The following ORC5 variants were observed in gnomAD, a reference collection of about 807,000 sequenced individuals.
The protein encoded by ORC5 is origin recognition complex subunit 5, also known as protein phosphatase 1, regulatory subunit 117.
ORC5 carries 39 observed loss-of-function variants against 58.8 expected under a neutral mutation model. That is an observed-to-expected ratio of 0.66 (90% CI 0.51 to 0.87). The LOEUF (loss-of-function observed/expected upper bound fraction) is 0.87. Ranked by LOEUF, ORC5 falls within the 40% of genes least tolerant of loss-of-function variation. The pLI, the probability that ORC5 is intolerant of heterozygous loss-of-function variation, is 0.00. For missense variants in ORC5, 493 were observed against 506.3 expected (o/e 0.97, Z 0.25); for synonymous variants, 218 against 177.6 (o/e 1.23, Z -1.81).
At chr7:104,157,168 A>C (rs1798940541) in intron 12 of ORC5, among the ~76,000 whole-genome samples, 1 of 151,966 alleles carries the variant, frequency 6.6e-6, no homozygotes, top group African/African-American at 2.4e-5. Flanking sequence ...AATATAAGGC[A>C]TGTGGGAGAA....
At chr7:104,162,990 T>C (rs1174001028) in intron 11 of ORC5, among the ~76,000 whole-genome samples, 1 of 152,264 alleles carries the variant, frequency 6.6e-6, no homozygotes, top group East Asian at 1.9e-4. Context: ...TTTTGAGATT[T>C]ATCCATATAG....
At chr7:104,168,671 T>TTTTTTTTTTTTTTTTTTTTTTGAG in intron 8 of ORC5, 146 bp from the exon 9 acceptor site, 1 of 475,964 alleles carries the variant, frequency 2.1e-6, no homozygotes, top group Non-Finnish European at 3.7e-6. Flanking sequence ...AACATGTTTG[T>TTTTTTTTTTTTTTTTTTTTTTGAG]ACCTGTACAA....
intron 2 of ORC5, among the ~76,000 whole-genome samples, chr7:104,203,510 T>C (rs1333731095): frequency 6.6e-6 from 1 of 152,244 alleles, no homozygotes; most frequent in East Asian, 1.9e-4. Flanking sequence ...GAGTGCTTAC[T>C]ACGCACTATG....
At chr7:104,143,655 A>G (rs559493071) in intron 12 of ORC5, among the ~76,000 whole-genome samples, 19 of 152,312 alleles carry the variant, frequency 1.2e-4, no homozygotes, top group African/African-American at 4.6e-4. Context: ...TAAACCTAAA[A>G]AAAGCAATTA....
At chr7:104,186,395 G>GTA (rs1317794829) in intron 6 of ORC5, among the ~76,000 whole-genome samples, 4 of 152,048 alleles carry the variant, frequency 2.6e-5, no homozygotes, top group Non-Finnish European at 4.4e-5. Flanking sequence ...AATCCCCCAA[G>GTA]TATACCAAGG....
chr7:104,153,512 T>C (rs1798878328), intron 12 of ORC5, among the ~76,000 whole-genome samples: 1 of 152,172 alleles, frequency 6.6e-6, no homozygotes, highest in African/African-American at 2.4e-5. Flanking sequence ...GAAAAAAACA[T>C]AGTAAGATTA....
intron 13 of ORC5, among the ~76,000 whole-genome samples, chr7:104,132,225 T>C (rs1798524621): frequency 6.6e-6 from 1 of 152,290 alleles, no homozygotes; most frequent in South Asian, 2.1e-4. Context: ...TGACCATTAC[T>C]CCTGTCCCTT....
chr7:104,168,764 A>T, intron 8 of ORC5, among the ~76,000 whole-genome samples: 1 of 152,104 alleles, frequency 6.6e-6, no homozygotes, highest in Non-Finnish European at 1.5e-5. Flanking sequence ...CTCTTTTACT[A>T]TGATGACTGT....
intron 13 of ORC5, among the ~76,000 whole-genome samples, chr7:104,134,316 G>A (rs1798556170): frequency 6.8e-6 from 1 of 148,122 alleles, no homozygotes; most frequent in Admixed American, 6.9e-5. Context: ...ACAGGAGGCT[G>A]AAGCAGGAGA....
chr7:104,202,395 G>A, intron 2 of ORC5: 1 of 282,748 alleles, frequency 3.5e-6, no homozygotes, highest in Non-Finnish European at 7.3e-6. Flanking sequence ...AGTTTCACCA[G>A]CATTTGCTAA....
rs1267786466 is a variant in ORC5 at position 104,197,667 on chromosome 7, T to C, written c.441+58A>G. On this transcript the variant is annotated intron_variant, in intron 4 of 13. Coordinates refer to ENST00000297431, the MANE Select transcript of ORC5 (RefSeq NM_002553.4). Reference sequence around the variant, plus strand: ...TATCAAATAGCAAAATGAAAAACTTTTACAACACAATCCATTGATTAAGTT... The same window carrying C: ...TATCAAATAGCAAAATGAAAAACTTCTACAACACAATCCATTGATTAAGTT... The C allele has an allele frequency of 2.6e-5, 30 of 1,167,032 alleles. No individual in the cohort carries two copies. The East Asian group carries it at 7.2e-4, about 28-fold the overall frequency. The allele number at this position is 1,167,032 out of a possible 1,614,324, so 72.3% of individuals were successfully genotyped here. A position where few individuals can be genotyped will look rare whatever the true frequency, so the allele number is the denominator to read the frequency against.
intron 4 of ORC5, 77 bp from the exon 5 acceptor site, chr7:104,195,331 T>G (rs894886145): frequency 8.4e-6 from 6 of 718,416 alleles, no homozygotes; most frequent in Non-Finnish European, 1.4e-5. Flanking sequence ...TGGATTTTTC[T>G]TTCAAATACA....
chr7:104,162,121 G>T (rs538574383), intron 11 of ORC5, among the ~76,000 whole-genome samples: 1 of 152,094 alleles, frequency 6.6e-6, no homozygotes, highest in South Asian at 2.1e-4. Flanking sequence ...CATCAGAAAC[G>T]AGACAATGCT....
chr7:104,127,402 T>C (rs538682979), intron 13 of ORC5, among the ~76,000 whole-genome samples: 8 of 152,308 alleles, frequency 5.3e-5, no homozygotes, highest in African/African-American at 1.9e-4. Context: ...ACTAAATCTG[T>C]ATGATCCAAG....
At chr7:104,181,508 G>A (rs529903331) in intron 8 of ORC5, among the ~76,000 whole-genome samples, 23 of 152,078 alleles carry the variant, frequency 1.5e-4, no homozygotes, top group South Asian at 4.2e-4. Context: ...CACAGAGGCC[G>A]GGTGTGGTGG....
intron 3 of ORC5, among the ~76,000 whole-genome samples, chr7:104,198,888 G>A (rs1799863829): frequency 6.6e-6 from 1 of 152,228 alleles, no homozygotes; most frequent in Non-Finnish European, 1.5e-5. Context: ...TGCAGTCTCG[G>A]AACTTGGTGT....
In ORC5 at chr7:104,139,667, A is replaced by T. The variant is rs1311867205; in HGVS notation, c.1150-2774T>A. Among the ~76,000 whole-genome samples, 3 of 152,072 alleles carry T rather than the reference A, an allele frequency of 2.0e-5. No individual in the cohort carries two copies. In the East Asian group the frequency reaches 5.8e-4, roughly 29 times the overall value. On this transcript the variant is annotated intron_variant, in intron 12 of 13. Transcript: ENST00000297431. Reference sequence around the variant, plus strand: ...AAAGCTCTGCATTCAAAAGGCTAAGACTTTAATTTCTAATTCAGTATCAAT... The same window carrying T: ...AAAGCTCTGCATTCAAAAGGCTAAGTCTTTAATTTCTAATTCAGTATCAAT...
intron 12 of ORC5, among the ~76,000 whole-genome samples, chr7:104,154,539 G>A (rs1798893551): frequency 6.6e-6 from 1 of 151,862 alleles, no homozygotes; most frequent in Admixed American, 6.6e-5. Context: ...TCTGGTGGCT[G>A]CACCAGCACA....
chr7:104,204,467 C>A (rs979838393), intron 1 of ORC5, among the ~76,000 whole-genome samples: 1 of 152,004 alleles, frequency 6.6e-6, no homozygotes, highest in African/African-American at 2.4e-5. Context: ...TTATTATGTA[C>A]TATATATTTA....
Sources: allele counts gnomAD v4.1 joint callset (sites outside exome capture counted in the v4.1 genomes callset), GRCh38; gene constraint gnomAD v4.1.1; transcripts MANE v1.5; gene names NCBI Gene and HGNC (gene_info 2026-07-23, HGNC 2026-07-21).